STK32A: variants seen among roughly 807,000 people sequenced by gnomAD.
STK32A encodes serine/threonine kinase 32A.
Under a neutral mutation model 53.2 loss-of-function variants are expected in STK32A, and 41 were observed. The observed-to-expected ratio is 0.77, with a 90% CI of 0.60 to 1.00. The LOEUF (loss-of-function observed/expected upper bound fraction) is 1.00, where lower values mean the gene tolerates loss of function less well. Among genes scored for constraint, STK32A ranks in the 50% least tolerant of loss-of-function variants. STK32A has a pLI of 0.00. For missense variants in STK32A, 458 were observed against 485.8 expected, an observed-to-expected ratio of 0.94 and a Z score of 0.54; for synonymous variants, 166 against 162.8, an observed-to-expected ratio of 1.02 and a Z score of -0.15.
intron 6 of STK32A, among the ~76,000 whole-genome samples, chr5:147,344,644 T>C (rs182655390): frequency 1.3e-5 from 2 of 152,320 alleles, no homozygotes; most frequent in East Asian, 3.9e-4. Context: ...GCTTCTCTTC[T>C]AGCCTATAGA....
chr5:147,369,295 C>T (rs949884989), intron 8 of STK32A, among the ~76,000 whole-genome samples: 3 of 152,126 alleles, frequency 2.0e-5, no homozygotes, highest in African/African-American at 7.2e-5. Flanking sequence ...CCATGAATAG[C>T]TGACATTGAC....
chr5:147,326,502 T>C (rs977544478), intron 5 of STK32A, among the ~76,000 whole-genome samples: 1 of 152,198 alleles, frequency 6.6e-6, no homozygotes, highest in African/African-American at 2.4e-5. Context: ...CTTTTGTACC[T>C]CTCCTGAGGA....
chr5:147,235,680 C>A (rs977818849), intron 1 of STK32A, among the ~76,000 whole-genome samples: 3 of 152,166 alleles, frequency 2.0e-5, no homozygotes, highest in Non-Finnish European at 2.9e-5. Context: ...CAGCAAGATG[C>A]AAAATATATC....
chr5:147,300,779 G>T (rs181755617), intron 4 of STK32A, among the ~76,000 whole-genome samples: 2 of 152,242 alleles, frequency 1.3e-5, no homozygotes, highest in Non-Finnish European at 2.9e-5. Context: ...GTTATGTTTG[G>T]TATTTTACTT....
At chr5:147,341,597 T>G (rs2151987874) in intron 5 of STK32A, among the ~76,000 whole-genome samples, 1 of 152,262 alleles carries the variant, frequency 6.6e-6, no homozygotes, top group East Asian at 1.9e-4. Flanking sequence ...ATATCCCTCT[T>G]CCACCTCCTG....
chr5:147,394,765 A>G, the STK32A span, among the ~76,000 whole-genome samples: 1 of 151,904 alleles, frequency 6.6e-6, no homozygotes, highest in Non-Finnish European at 1.5e-5. Flanking sequence ...TCCAAACTTT[A>G]AACTCTTTTC....
chr5:147,401,391 G>A, the STK32A span: 23 of 885,298 alleles, frequency 2.6e-5, no homozygotes, highest in South Asian at 1.5e-4. Flanking sequence ...TGCTTTCTAC[G>A]CTCAAGACTG....
At chr5:147,261,074 C>T (rs560553043) in intron 2 of STK32A, among the ~76,000 whole-genome samples, 178 of 152,214 alleles carry the variant, frequency 1.2e-3, no homozygotes, top group Non-Finnish European at 1.9e-3. Flanking sequence ...TTATTCCTCG[C>T]ACTGGGTGGG....
the STK32A span, chr5:147,393,239 C>A: frequency 1.3e-5 from 2 of 152,222 alleles, no homozygotes; most frequent in Admixed American, 1.3e-4. Flanking sequence ...GCAGGGAGGG[C>A]AAGAGGAAGA....
At chr5:147,336,258 A>G (rs1192267711) in intron 5 of STK32A, among the ~76,000 whole-genome samples, 1 of 152,018 alleles carries the variant, frequency 6.6e-6, no homozygotes, top group African/African-American at 2.4e-5. Context: ...TATCAGTTGT[A>G]TTTCAGTGTA....
At chr5:147,326,155 C>A (rs1023597746) in intron 5 of STK32A, among the ~76,000 whole-genome samples, 2 of 152,106 alleles carry the variant, frequency 1.3e-5, no homozygotes, top group African/African-American at 4.8e-5. Context: ...TTACTAACAC[C>A]CAATACTGTT....
rs191771243 is a variant in STK32A, at chr5:147,255,450, C to A, written c.52+15764C>A. ...AGAATAAGTCCACCTATTACGGCTG[C>A]GAGGGAAGTAAGAATTGAGGCTATT... On this transcript the variant is annotated intron_variant, in intron 2 of 12. Coordinates refer to ENST00000397936, the MANE Select transcript of STK32A (RefSeq NM_001112724.2). Among the ~76,000 whole-genome samples, 394 of 152,224 alleles carry A rather than the reference C, an allele frequency of 2.6e-3. 1 individual carries two copies. Among genetic ancestry groups the A allele is most frequent in the Non-Finnish European group, 4.6e-3 (312 of 68,004 alleles).
intron 3 of STK32A, 88 bp downstream of exon 3, chr5:147,278,267 C>A: frequency 9.4e-7 from 1 of 1,069,072 alleles, no homozygotes; most frequent in Non-Finnish European, 1.4e-6. Context: ...TATTGAGTTG[C>A]TGGGACCGCA....
Position 147,387,374 on chromosome 5 carries a change from T to C in STK32A, c.*3391T>C, listed in dbSNP as rs1757701127. Reference sequence around the variant, plus strand: ...AAATTAATTACAGTAATCTAATTAATTAGTAGCTAGGCTTCTTCTGATAGG... The same window carrying C: ...AAATTAATTACAGTAATCTAATTAACTAGTAGCTAGGCTTCTTCTGATAGG... On this transcript the variant is annotated 3_prime_UTR_variant, in exon 13 of 13. Transcript: ENST00000397936. The C allele has an allele frequency of 6.6e-6, 1 of 152,262 alleles. No homozygotes were observed. Among genetic ancestry groups the C allele is most frequent in the Non-Finnish European group, 1.5e-5 (1 of 68,054 alleles). The allele number at this position is 152,262 out of a possible 1,614,324, so 9.4% of individuals were successfully genotyped here.
At chr5:147,261,081 T>C (rs1438941082) in intron 2 of STK32A, among the ~76,000 whole-genome samples, 3 of 152,098 alleles carry the variant, frequency 2.0e-5, no homozygotes, top group Non-Finnish European at 4.4e-5. Flanking sequence ...TCGCACTGGG[T>C]GGGTCTTGAT....
chr5:147,370,700 A>G lies in STK32A; in HGVS notation c.707A>G (p.His236Arg), dbSNP rs1756971074. The G allele has an allele frequency of 6.2e-7, 1 of 1,612,648 alleles. No homozygotes were observed. The highest frequency in any genetic ancestry group is 8.5e-7 in the Non-Finnish European group (1 of 1,178,960). Reference sequence around the variant, plus strand: ...AGTACTTCCAGCAAGGAAATTGTACACACGTTTGAGACGACTGTTGTAACT... The same window carrying G: ...AGTACTTCCAGCAAGGAAATTGTACGCACGTTTGAGACGACTGTTGTAACT... ...RSSTSSKEIV[H>R]TFETTVVTYP... Residue 236 changes from histidine (H) to arginine (R), a missense_variant, in exon 9 of 13, where the codon CAC becomes CGC. Coordinates refer to ENST00000397936, the MANE Select transcript of STK32A (RefSeq NM_001112724.2).
intron 4 of STK32A, among the ~76,000 whole-genome samples, chr5:147,289,024 T>A (rs2151959906): frequency 6.6e-6 from 1 of 152,272 alleles, no homozygotes; most frequent in South Asian, 2.1e-4. Context: ...AACTTGCCCA[T>A]CTCCTATGGT....
intron 11 of STK32A, among the ~76,000 whole-genome samples, chr5:147,376,825 T>C (rs116419033): frequency 5.3e-5 from 8 of 152,304 alleles, no homozygotes; most frequent in African/African-American, 1.4e-4. Flanking sequence ...TGTTGAATTA[T>C]AGGATGTTTT....
intron 4 of STK32A, among the ~76,000 whole-genome samples, chr5:147,316,684 C>T (rs1754003780): frequency 6.6e-6 from 1 of 151,560 alleles, no homozygotes; most frequent in Admixed American, 6.6e-5. Context: ...AGTAAGACCC[C>T]ATCTCTACAA....
Sources: gnomAD v4.1 joint callset for allele counts (sites outside exome capture counted in the v4.1 genomes callset) on GRCh38, gnomAD v4.1.1 for gene constraint, MANE v1.5 for transcripts, NCBI Gene and HGNC (gene_info 2026-07-23, HGNC 2026-07-21) for gene names.